TLR6: variants seen among roughly 807,000 people sequenced by gnomAD.
TLR6 encodes toll-like receptor 6.
TLR6 carries 9 observed loss-of-function variants against 16.1 expected under a neutral mutation model. The ratio of observed to expected loss-of-function variants is 0.56; its 90% CI spans 0.34 to 0.98. TLR6 has a LOEUF of 0.98. Among genes scored for constraint, TLR6 ranks in the 50% least tolerant of loss-of-function variants. TLR6 has a pLI of 0.02. For synonymous variants in TLR6, 340 were observed against 338.6 expected, an observed-to-expected ratio of 1.00 and a Z score of -0.04; for missense variants, 786 against 921.0, an observed-to-expected ratio of 0.85 and a Z score of 1.90.
At chr4:38,828,667 G>A (rs1365462456) in exon 2 of TLR6, 5 of 1,614,018 alleles carry the variant, frequency 3.1e-6, no homozygotes, top group Non-Finnish European at 4.2e-6. Context: ...GAAATTGAAA[G>A]ACTCTGACCA....
chr4:38,825,512 T>G (rs1727503599), exon 2 of TLR6: 1 of 152,274 alleles, frequency 6.6e-6, no homozygotes, highest in Admixed American at 6.5e-5. Context: ...CAGGCCAGCA[T>G]GATCCTGCCA....
At chr4:38,832,949 T>C (rs1711696091) in intron 1 of TLR6, among the ~76,000 whole-genome samples, 1 of 152,120 alleles carries the variant, frequency 6.6e-6, no homozygotes, top group African/African-American at 2.4e-5. Flanking sequence ...CATCTACACA[T>C]GCCTCCAAGG....
chr4:38,830,943 G>A (rs1332275803), intron 1 of TLR6, among the ~76,000 whole-genome samples: 1 of 151,682 alleles, frequency 6.6e-6, no homozygotes, highest in African/African-American at 2.4e-5. Flanking sequence ...TTTTGATTGT[G>A]TAACTTGGCA....
chr4:38,834,168 G>A (rs1398316471), intron 1 of TLR6, among the ~76,000 whole-genome samples: 1 of 151,494 alleles, frequency 6.6e-6, no homozygotes, highest in African/African-American at 2.4e-5. Context: ...AACCCAGGAG[G>A]CAGAGGTTGC....
chr4:38,851,956 A>G (rs1712790452), intron 1 of TLR6, among the ~76,000 whole-genome samples: 1 of 152,230 alleles, frequency 6.6e-6, no homozygotes, highest in African/African-American at 2.4e-5. Flanking sequence ...AGCTGGAGGC[A>G]TCATGCTACC....
At chr4:38,827,940 C>G in exon 2 of TLR6, 1 of 1,614,124 alleles carries the variant, frequency 6.2e-7, no homozygotes, top group Non-Finnish European at 8.5e-7. Flanking sequence ...AAGAAATCAG[C>G]CGATGGGTGG....
chr4:38,834,100 T>C (rs1579244539), intron 1 of TLR6, among the ~76,000 whole-genome samples: 1 of 150,416 alleles, frequency 6.6e-6, no homozygotes, highest in Non-Finnish European at 1.5e-5. Context: ...TAGTTGGGCG[T>C]GGTGGCAGGC....
chr4:38,830,255 T>C (rs1253135885), intron 1 of TLR6, among the ~76,000 whole-genome samples: 1 of 152,256 alleles, frequency 6.6e-6, no homozygotes, highest in Non-Finnish European at 1.5e-5. Flanking sequence ...ATTTGGTTTT[T>C]GTTTTTGCTC....
At chr4:38,836,581 A>G (rs541026487) in intron 1 of TLR6, among the ~76,000 whole-genome samples, 78 of 152,338 alleles carry the variant, frequency 5.1e-4, no homozygotes, top group Non-Finnish European at 1.0e-3. Flanking sequence ...AACTATTCAA[A>G]AAAATTAAAG....
chr4:38,861,731 T>C (rs150648148), upstream of TLR6, among the ~76,000 whole-genome samples: 3,254 of 152,190 alleles, frequency 0.021, 125 homozygotes, highest in Admixed American at 0.088. Flanking sequence ...ACTCTCCTGT[T>C]CTCCTCTTTC....
At chr4:38,825,357 C>A (rs2890664) in exon 2 of TLR6, 64,205 of 152,044 alleles carry the variant, frequency 0.42, 14,425 homozygotes, top group Middle Eastern at 0.56. Context: ...AGTGAAATGA[C>A]GAAGGCATAT....
Position 38,828,915 on chromosome 4 carries a change from C to T in TLR6, c.559G>A (p.Glu187Lys), listed in dbSNP as rs769061551. Residue 187 changes from glutamate (E) to lysine (K), a missense_variant, in exon 2 of 2, where the codon GAG becomes AAG. By Grantham distance (56) the Glu-to-Lys change is moderately conservative. Coordinates refer to ENST00000436693, the Ensembl canonical transcript of TLR6. ...TTCAGAATTTGTAGACTTTCTGTCT[C>T]ATTTTCTTTTATATAATAATTTCTT... The T allele has an allele frequency of 6.2e-6, 10 of 1,608,984 alleles. No homozygotes were observed. The African/African-American group carries it at 1.2e-4, about 19-fold the overall frequency.
At chr4:38,848,395 C>T (rs778213589) in intron 1 of TLR6, among the ~76,000 whole-genome samples, 9 of 152,336 alleles carry the variant, frequency 5.9e-5, no homozygotes, top group South Asian at 2.1e-4. Context: ...TCCAAAGGAA[C>T]GCAGCTCCTC....
exon 2 of TLR6, chr4:38,824,048 A>T (rs1727428866): frequency 6.6e-6 from 1 of 152,332 alleles, no homozygotes; most frequent in South Asian, 2.1e-4. Flanking sequence ...ACGAGCGGCC[A>T]GGAGGCAGCT....
the TLR6 span, among the ~76,000 whole-genome samples, chr4:38,864,203 A>G: frequency 6.6e-6 from 1 of 152,000 alleles, no homozygotes; most frequent in African/African-American, 2.4e-5. Context: ...TTACTCCACC[A>G]CCTCATATAG....
At chr4:38,828,520 C>T in exon 2 of TLR6, 2 of 1,614,102 alleles carry the variant, frequency 1.2e-6, no homozygotes, top group Non-Finnish European at 1.7e-6. Context: ...TCTGTGAAAA[C>T]AGAAAAACTT....
intron 1 of TLR6, among the ~76,000 whole-genome samples, chr4:38,829,841 C>A (rs1727743431): frequency 1.3e-5 from 2 of 152,234 alleles, no homozygotes; most frequent in South Asian, 4.1e-4. Flanking sequence ...AGGGCTGGAA[C>A]AGCCTTCTGG....
chr4:38,829,368 C>T (rs1437840470), exon 2 of TLR6: 5 of 1,614,140 alleles, frequency 3.1e-6, no homozygotes, highest in East Asian at 4.5e-5. Context: ...GACTTGTCTA[C>T]TGCAAATTCA....
At chr4:38,867,543 G>A in the TLR6 span, 1 of 152,158 alleles carries the variant, frequency 6.6e-6, no homozygotes, top group African/African-American at 2.4e-5. Flanking sequence ...AAGGGATCTG[G>A]CGAACCCCGA....
Sources: gnomAD v4.1 joint callset for allele counts (sites outside exome capture counted in the v4.1 genomes callset) on GRCh38, gnomAD v4.1.1 for gene constraint, MANE v1.5 for transcripts, NCBI Gene and HGNC (gene_info 2026-07-23, HGNC 2026-07-21) for gene names.